Variants in ZNF600 observed in about 807,000 individuals in gnomAD.
ZNF600 encodes zinc finger protein 600.
A neutral mutation model predicts 7.3 loss-of-function variants in ZNF600; 4 were observed. The ratio of observed to expected loss-of-function variants is 0.55; its 90% CI spans 0.27 to 1.25. The LOEUF is 1.25. Ranked by LOEUF, ZNF600 falls within the 50% of genes most tolerant of loss-of-function variation. The pLI is 0.12. For missense variants in ZNF600, 911 were observed against 922.1 expected, an observed-to-expected ratio of 0.99 and a Z score of 0.16; for synonymous variants, 290 against 308.9, an observed-to-expected ratio of 0.94 and a Z score of 0.64.
chr19:52,805,006 T>G, the ZNF600 span: 1 of 152,228 alleles, frequency 6.6e-6, no homozygotes. Context: ...CGGTGGCTCA[T>G]GCCAGTAATC....
At chr19:52,776,608 C>T (rs1253734011) in intron 2 of ZNF600, among the ~76,000 whole-genome samples, 6 of 152,192 alleles carry the variant, frequency 3.9e-5, no homozygotes, top group Non-Finnish European at 8.8e-5. Flanking sequence ...GACAGGGTTT[C>T]ACCATCTTAG....
chr19:52,827,132 C>T, the ZNF600 span, among the ~76,000 whole-genome samples: 3 of 151,450 alleles, frequency 2.0e-5, no homozygotes, highest in African/African-American at 7.3e-5. Flanking sequence ...GTCATCCTAG[C>T]TCCTTGGGAG....
chr19:52,801,035 A>G, the ZNF600 span: 1 of 1,614,138 alleles, frequency 6.2e-7, no homozygotes, highest in Admixed American at 1.7e-5. Context: ...TACACTTGTA[A>G]GGTTTCTCAT....
the ZNF600 span, chr19:52,810,207 C>A: frequency 9.3e-7 from 1 of 1,073,706 alleles, no homozygotes; most frequent in Non-Finnish European, 1.5e-6. Context: ...GCTAAAGGAG[C>A]TACAGAACGA....
At chr19:52,783,209 C>T (rs1335527001) in intron 1 of ZNF600, among the ~76,000 whole-genome samples, 11 of 152,028 alleles carry the variant, frequency 7.2e-5, no homozygotes, top group Non-Finnish European at 8.8e-5. Context: ...CTCTCATTCT[C>T]ATCTGTATAA....
chr19:52,794,922 T>A, the ZNF600 span, among the ~76,000 whole-genome samples: 1 of 152,178 alleles, frequency 6.6e-6, no homozygotes, highest in African/African-American at 2.4e-5. Context: ...TCTTTCAATG[T>A]CTAAGGTTTT....
chr19:52,832,836 A>G, the ZNF600 span, among the ~76,000 whole-genome samples: 1 of 151,850 alleles, frequency 6.6e-6, no homozygotes, highest in Admixed American at 6.6e-5. Context: ...CAGTGGCACA[A>G]TCTTGGCTTA....
At chr19:52,817,372 C>CA in the ZNF600 span, among the ~76,000 whole-genome samples, 2 of 151,302 alleles carry the variant, frequency 1.3e-5, no homozygotes, top group African/African-American at 2.4e-5. Flanking sequence ...AACTCCGCTT[C>CA]AAAAAAAATA....
At chr19:52,818,147 T>G in the ZNF600 span, 4 of 1,114,364 alleles carry the variant, frequency 3.6e-6, no homozygotes, top group Non-Finnish European at 4.9e-6. Context: ...CTATGCTGCC[T>G]ACCGCACCAC....
chr19:52,818,986 T>G, the ZNF600 span, among the ~76,000 whole-genome samples: 1 of 130,174 alleles, frequency 7.7e-6, no homozygotes, highest in Non-Finnish European at 1.6e-5. Flanking sequence ...GAACTTCAGA[T>G]GGGGGTGGGA....
the ZNF600 span, among the ~76,000 whole-genome samples, chr19:52,810,970 G>A: frequency 2.2e-5 from 3 of 137,364 alleles, no homozygotes; most frequent in African/African-American, 5.4e-5. Context: ...CTGCCATCTC[G>A]GCTCACTGCA....
the ZNF600 span, chr19:52,801,640 A>T: frequency 1.3e-5 from 21 of 1,613,690 alleles, no homozygotes; most frequent in Non-Finnish European, 1.0e-5. Flanking sequence ...CCTGTGTGGA[A>T]CGCTTCTGTA....
At chr19:52,822,238 A>T in the ZNF600 span, among the ~76,000 whole-genome samples, 1 of 151,640 alleles carries the variant, frequency 6.6e-6, no homozygotes, top group Non-Finnish European at 1.5e-5. Flanking sequence ...TGCCCGGTTA[A>T]TTTTTGTATT....
the ZNF600 span, among the ~76,000 whole-genome samples, chr19:52,818,852 A>C: frequency 7.0e-6 from 1 of 143,060 alleles, no homozygotes; most frequent in Non-Finnish European, 1.5e-5. Context: ...GACTGCACTC[A>C]TAGCCTGGAG....
the ZNF600 span, chr19:52,799,421 A>T: frequency 2.8e-6 from 2 of 707,596 alleles, no homozygotes; most frequent in Non-Finnish European, 4.8e-6. Context: ...AAACTTTGTC[A>T]CATTCTTCCT....
chr19:52,774,195 C>G (rs555002512), intron 3 of ZNF600, among the ~76,000 whole-genome samples: 35 of 151,650 alleles, frequency 2.3e-4, no homozygotes, highest in Middle Eastern at 6.8e-3. Context: ...ATTGGGAGGC[C>G]GAGGTGGGTG....
chr19:52,783,266 A>G (rs772473401), intron 1 of ZNF600, among the ~76,000 whole-genome samples: 46 of 152,144 alleles, frequency 3.0e-4, no homozygotes, highest in Admixed American at 5.9e-4. Context: ...AGAAAACAAC[A>G]TGTCATCACT....
At chr19:52,830,716 G>T in the ZNF600 span, among the ~76,000 whole-genome samples, 7 of 151,786 alleles carry the variant, frequency 4.6e-5, no homozygotes, top group African/African-American at 9.7e-5. Context: ...GAGGGGAGGG[G>T]CTCACGGGGA....
the ZNF600 span, among the ~76,000 whole-genome samples, chr19:52,796,204 C>T: frequency 5.3e-5 from 8 of 152,150 alleles, no homozygotes; most frequent in Non-Finnish European, 7.4e-5. Context: ...GAAACACATG[C>T]GTCCTGGGTC....
Sources: allele counts gnomAD v4.1 joint callset (sites outside exome capture counted in the v4.1 genomes callset), GRCh38; gene constraint gnomAD v4.1.1; transcripts MANE v1.5; gene names NCBI Gene and HGNC (gene_info 2026-07-23, HGNC 2026-07-21).